MID1: variants seen among roughly 807,000 people sequenced by gnomAD.
MID1 encodes E3 ubiquitin-protein ligase Midline-1.
In MID1, 7 loss-of-function variants were observed where a neutral mutation model predicts 40.4. The ratio of observed to expected loss-of-function variants is 0.17; its 90% CI spans 0.10 to 0.33. The LOEUF is 0.33. Ranked by LOEUF, MID1 falls within the 10% of genes least tolerant of loss-of-function variation. The pLI is 1.00. For synonymous variants in MID1, 229 were observed against 221.2 expected (o/e 1.04, Z -0.31); for missense variants, 367 against 558.5 (o/e 0.66, Z 3.46).
intron 1 of MID1, among the ~76,000 whole-genome samples, chrX:10,716,512 T>C (rs1163005917): frequency 9.0e-6 from 1 of 111,331 alleles, no homozygotes; most frequent in Non-Finnish European, 1.9e-5. Flanking sequence ...TAAAAAGAAA[T>C]GAACAAAGCC....
intron 2 of MID1, among the ~76,000 whole-genome samples, chrX:10,536,380 G>A (rs1933255313): frequency 8.9e-6 from 1 of 112,785 alleles, no homozygotes; most frequent in Non-Finnish European, 1.9e-5. Flanking sequence ...TTTCCCAATA[G>A]CATTCATTTG....
chrX:10,566,868 T>C lies in MID1; in HGVS notation c.660+20A>G. ...CATTTTCTGGCAGAAAGGGGTTGGC[T>C]TAAGGCGGATCGGACTAACCTTCAA... On this transcript the variant is annotated intron_variant, in intron 2 of 9. Transcript: ENST00000317552. 8.3e-7 allele frequency: 1 copy of C among 1,208,800 alleles called. No individual in the cohort carries two copies. Among genetic ancestry groups the C allele is most frequent in the Non-Finnish European group, 1.1e-6 (1 of 893,594 alleles).
At chrX:10,640,329 A>C (rs1936175849) in intron 1 of MID1, among the ~76,000 whole-genome samples, 1 of 111,351 alleles carries the variant, frequency 9.0e-6, no homozygotes, top group Non-Finnish European at 1.9e-5. Flanking sequence ...AGACCTACCA[A>C]GCAAATGGGG....
intron 1 of MID1, among the ~76,000 whole-genome samples, chrX:10,801,413 AGTGAGGTC>A (rs1185422535): frequency 1.8e-5 from 2 of 111,940 alleles, no homozygotes; most frequent in African/African-American, 6.5e-5. Context: ...CACTATACTA[AGTGAGGTC>A]TCATCAGCAC....
chrX:10,723,103 A>G lies in MID1; in HGVS notation c.-186-102684T>C, dbSNP rs746820607. On this transcript the variant is annotated intron_variant, in intron 1 of 10. Transcript: ENST00000380785. ...TCCGAGAAGTACTCTGCAAAAAAGTAGTTACAAAACCCCAAACCACATGAA... is the reference window on the plus strand; with the variant it reads ...TCCGAGAAGTACTCTGCAAAAAAGTGGTTACAAAACCCCAAACCACATGAA... Among the ~76,000 whole-genome samples, 5 of 111,945 alleles carry G rather than the reference A, an allele frequency of 4.5e-5. No individual in the cohort carries two copies. In the South Asian group the frequency reaches 1.9e-3, roughly 42 times the overall value.
rs1257602294 is a variant in MID1 at position 10,812,826 on chromosome X, T to C, written c.-187+20728A>G. Reference sequence around the variant, plus strand: ...CCAATGTGGAGAGTTAATCACAAGTTAGGGCACTTTGGATTGAACGTTCAT... The same window carrying C: ...CCAATGTGGAGAGTTAATCACAAGTCAGGGCACTTTGGATTGAACGTTCAT... On this transcript the variant is annotated intron_variant, in intron 1 of 10. Coordinates refer to the MID1 transcript ENST00000380785. Among the ~76,000 whole-genome samples, 3 of 111,419 alleles carry C rather than the reference T, an allele frequency of 2.7e-5. No individual in the cohort carries two copies. In the South Asian group the frequency reaches 1.2e-3, roughly 43 times the overall value.
intron 1 of MID1, among the ~76,000 whole-genome samples, chrX:10,599,300 G>C (rs184388158): frequency 5.4e-4 from 61 of 112,151 alleles, no homozygotes; most frequent in Middle Eastern, 4.7e-3. Flanking sequence ...TTTCACTCTG[G>C]TTGTCTTTTA....
intron 1 of MID1, among the ~76,000 whole-genome samples, chrX:10,593,762 GACACACACACAC>G (rs57390547): frequency 7.7e-4 from 64 of 83,333 alleles, no homozygotes; most frequent in South Asian, 1.4e-3. Flanking sequence ...CTGTCCCTCT[GACACACACACAC>G]ACACACACAC....
At chrX:10,482,834 C>T (rs998120580) in intron 4 of MID1, among the ~76,000 whole-genome samples, 4 of 112,251 alleles carry the variant, frequency 3.6e-5, no homozygotes, top group Non-Finnish European at 7.5e-5. Context: ...ATTGCTAATT[C>T]GTTTTACGAG....
chrX:10,520,813 T>G (rs1932667244), intron 3 of MID1, among the ~76,000 whole-genome samples: 1 of 111,643 alleles, frequency 9.0e-6, no homozygotes, highest in South Asian at 3.8e-4. Flanking sequence ...TTAGATTTGA[T>G]TCCCATCCTC....
At chrX:10,736,129 C>A (rs2043486044) in intron 1 of MID1, among the ~76,000 whole-genome samples, 1 of 111,850 alleles carries the variant, frequency 8.9e-6, no homozygotes, top group African/African-American at 3.3e-5. Context: ...CCGGCGCCTG[C>A]CACCACGCCC....
intron 1 of MID1, among the ~76,000 whole-genome samples, chrX:10,611,449 T>C (rs1011455797): frequency 3.2e-4 from 36 of 112,169 alleles, no homozygotes; most frequent in East Asian, 2.2e-3. Context: ...AGCAGAAACA[T>C]GAAAAGGGCA....
chrX:10,556,482 G>A (rs955348667), intron 2 of MID1, among the ~76,000 whole-genome samples: 17 of 111,859 alleles, frequency 1.5e-4, no homozygotes, highest in African/African-American at 5.5e-4. Context: ...TAATTCCCTT[G>A]AGAGTTGTTC....
intron 1 of MID1, among the ~76,000 whole-genome samples, chrX:10,571,684 T>A (rs994456068): frequency 5.5e-5 from 6 of 109,276 alleles, no homozygotes; most frequent in African/African-American, 2.0e-4. Context: ...GAGGCTGAAG[T>A]GGGATAATCA....
At chrX:10,694,260 C>A (rs909391131) in intron 1 of MID1, among the ~76,000 whole-genome samples, 7 of 112,186 alleles carry the variant, frequency 6.2e-5, no homozygotes, top group African/African-American at 2.3e-4. Flanking sequence ...TTCTTCTCTC[C>A]TGTTGGTTTT....
chrX:10,547,569 T>A (rs1602384585), intron 2 of MID1, among the ~76,000 whole-genome samples: 2 of 44,758 alleles, frequency 4.5e-5, no homozygotes, highest in Non-Finnish European at 7.3e-5. Context: ...TGAGACTCTG[T>A]CTCAAAAAAA....
chrX:10,830,137 G>A (rs751713030), intron 1 of MID1, among the ~76,000 whole-genome samples: 2 of 112,500 alleles, frequency 1.8e-5, no homozygotes, highest in Non-Finnish European at 3.8e-5. Flanking sequence ...GGCATTATCT[G>A]ACATGGAGAT....
At chrX:10,713,808 T>C (rs2043284236) in intron 1 of MID1, among the ~76,000 whole-genome samples, 2 of 111,786 alleles carry the variant, frequency 1.8e-5, no homozygotes, top group African/African-American at 6.5e-5. Flanking sequence ...AGAACTTAAG[T>C]GTTGTCATGT....
At chrX:10,508,672 C>A (rs1449679684) in intron 3 of MID1, among the ~76,000 whole-genome samples, 1 of 111,132 alleles carries the variant, frequency 9.0e-6, no homozygotes, top group Non-Finnish European at 1.9e-5. Context: ...AGAAAAGGCA[C>A]CAGGGAAGAG....
Sources: allele counts gnomAD v4.1 joint callset (sites outside exome capture counted in the v4.1 genomes callset), GRCh38; gene constraint gnomAD v4.1.1; transcripts MANE v1.5; gene names NCBI Gene and HGNC (gene_info 2026-07-23, HGNC 2026-07-21).